Variants in ANO4 observed in about 807,000 individuals in gnomAD.
ANO4 encodes anoctamin 4.
ANO4 carries 69 observed loss-of-function variants against 141.9 expected under a neutral mutation model. That is an observed-to-expected ratio of 0.49 (90% CI 0.40 to 0.59). The LOEUF is 0.59. ANO4 is among the 20% of genes least tolerant of loss of function. The probability of loss-of-function intolerance (pLI) is 0.00; values close to 1 mark genes in which losing one functional copy is unlikely to be tolerated. For missense variants in ANO4, 894 were observed against 1,162.2 expected (o/e 0.77, Z 3.36); for synonymous variants, 350 against 394.3 (o/e 0.89, Z 1.33).
intron 8 of ANO4, among the ~76,000 whole-genome samples, chr12:100,998,877 A>G (rs2045511808): frequency 6.6e-6 from 1 of 152,222 alleles, no homozygotes; most frequent in Admixed American, 6.5e-5. Flanking sequence ...GCTAACATTC[A>G]TATAGTGCTT....
intron 5 of ANO4, among the ~76,000 whole-genome samples, chr12:100,943,802 T>C (rs2042607601): frequency 6.6e-6 from 1 of 152,220 alleles, no homozygotes; most frequent in Non-Finnish European, 1.5e-5. Context: ...TCTTACTCTT[T>C]AAGTTCTAAA....
At chr12:100,890,227 T>C (rs867958485) in intron 1 of ANO4, among the ~76,000 whole-genome samples, 1 of 152,186 alleles carries the variant, frequency 6.6e-6, no homozygotes, top group Non-Finnish European at 1.5e-5. Context: ...ACGTAGTAAC[T>C]CAATCATAAC....
intron 3 of ANO4, among the ~76,000 whole-genome samples, chr12:100,760,516 T>C (rs1400651812): frequency 6.6e-6 from 1 of 152,194 alleles, no homozygotes; most frequent in African/African-American, 2.4e-5. Context: ...CTCTGATCTT[T>C]CCTGTTCTCT....
intron 1 of ANO4, among the ~76,000 whole-genome samples, chr12:100,820,853 A>G (rs1251280524): frequency 6.6e-6 from 1 of 152,062 alleles, no homozygotes; most frequent in Non-Finnish European, 1.5e-5. Context: ...CTGCTTTGTC[A>G]TCCTGACCCT....
chr12:100,877,209 A>C (rs899330698), intron 1 of ANO4, among the ~76,000 whole-genome samples: 1 of 151,918 alleles, frequency 6.6e-6, no homozygotes, highest in African/African-American at 2.4e-5. Context: ...ATTGTACAGC[A>C]TGATGACTAT....
At chr12:101,029,823 T>C (rs2046898817) in intron 9 of ANO4, among the ~76,000 whole-genome samples, 2 of 146,402 alleles carry the variant, frequency 1.4e-5, no homozygotes, top group East Asian at 4.1e-4. Flanking sequence ...GGCAGGAGAA[T>C]TGCTTGAGCC....
chr12:101,088,490 C>G (rs192035950), intron 17 of ANO4, among the ~76,000 whole-genome samples: 21 of 152,128 alleles, frequency 1.4e-4, no homozygotes, highest in Middle Eastern at 3.4e-3. Context: ...AATGTAGGCC[C>G]ATAAGGGCAG....
At position 100,886,473 on chromosome 12, in the gene ANO4, T is replaced by C. The variant is rs561899371; in HGVS notation, c.-140-15173T>C. Among the ~76,000 whole-genome samples, 5 of 152,308 alleles carry C rather than the reference T, an allele frequency of 3.3e-5. No homozygotes were observed. In the East Asian group the frequency reaches 9.7e-4, roughly 29 times the overall value. ...CCTTTCATGAATGAGCCTTGTTCTTTCATACCTGAACCTTCACCATGGGGG... is the reference window on the plus strand; with the variant it reads ...CCTTTCATGAATGAGCCTTGTTCTTCCATACCTGAACCTTCACCATGGGGG... On this transcript the variant is annotated intron_variant, in intron 1 of 27. Transcript: ENST00000392977.
At chr12:100,719,288 G>T (rs1477588681) in intron 1 of ANO4, among the ~76,000 whole-genome samples, 2 of 152,160 alleles carry the variant, frequency 1.3e-5, no homozygotes, top group African/African-American at 4.8e-5. Flanking sequence ...TTAATTCTTA[G>T]ATCTGTAGCA....
intron 5 of ANO4, among the ~76,000 whole-genome samples, chr12:100,949,741 C>T (rs895955001): frequency 2.0e-4 from 31 of 152,112 alleles, no homozygotes; most frequent in African/African-American, 7.5e-4. Flanking sequence ...CTTGGAAGAA[C>T]TCGGAATACA....
chr12:100,931,989 CTT>C (rs71437001), intron 3 of ANO4, among the ~76,000 whole-genome samples: 18 of 137,840 alleles, frequency 1.3e-4, no homozygotes, highest in South Asian at 2.3e-4. Flanking sequence ...CGGAGGTGTT[CTT>C]TTTTTTTTTT....
chr12:100,974,929 G>C (rs2044096948), intron 7 of ANO4, 40 bp downstream of exon 7: 1 of 1,606,084 alleles, frequency 6.2e-7, no homozygotes, highest in Non-Finnish European at 8.5e-7. Flanking sequence ...TTGTCTTTCT[G>C]TTGGCCCGTG....
chr12:100,850,868 A>G (rs1379904183), intron 1 of ANO4, among the ~76,000 whole-genome samples: 1 of 152,192 alleles, frequency 6.6e-6, no homozygotes, highest in Non-Finnish European at 1.5e-5. Flanking sequence ...ATTTTCAACT[A>G]TATGAAAATT....
intron 7 of ANO4, among the ~76,000 whole-genome samples, chr12:100,976,374 A>G (rs10735376): frequency 0.2 from 30,505 of 152,168 alleles, 3,173 homozygotes; most frequent in Middle Eastern, 0.35. Flanking sequence ...TTTCTCAAAA[A>G]TTGCCTGCGA....
chr12:100,753,176 T>C (rs1370041192), intron 3 of ANO4, among the ~76,000 whole-genome samples: 1 of 152,116 alleles, frequency 6.6e-6, no homozygotes. Flanking sequence ...TAATAGTTCA[T>C]CAGCCAAAGC....
intron 1 of ANO4, among the ~76,000 whole-genome samples, chr12:100,795,914 G>A (rs898265242): frequency 5.9e-5 from 9 of 152,108 alleles, no homozygotes; most frequent in Admixed American, 5.9e-4. Flanking sequence ...GTCTCCTGAG[G>A]TTTGCTGCAA....
At chr12:101,033,336 A>C in intron 9 of ANO4, among the ~76,000 whole-genome samples, 1 of 149,926 alleles carries the variant, frequency 6.7e-6, no homozygotes, top group Non-Finnish European at 1.5e-5. Flanking sequence ...GGAAGGGGGG[A>C]GGGATAGCAT....
At chr12:100,908,206 G>A (rs145792161) in intron 2 of ANO4, among the ~76,000 whole-genome samples, 1,928 of 152,152 alleles carry the variant, frequency 0.013, 44 homozygotes, top group African/African-American at 0.044. Context: ...AAAATTAGCC[G>A]GACGTGGTGG....
chr12:101,070,112 A>G (rs760538969), intron 14 of ANO4, among the ~76,000 whole-genome samples: 5 of 152,220 alleles, frequency 3.3e-5, no homozygotes, highest in Non-Finnish European at 7.3e-5. Context: ...TACAGATTCA[A>G]TGCAATCCCT....
Sources: gnomAD v4.1 joint callset for allele counts (sites outside exome capture counted in the v4.1 genomes callset) on GRCh38, gnomAD v4.1.1 for gene constraint, MANE v1.5 for transcripts, NCBI Gene and HGNC (gene_info 2026-07-23, HGNC 2026-07-21) for gene names.